Variants in MAMSTR observed in about 807,000 individuals in gnomAD.
MAMSTR encodes the protein MEF2 activating motif and SAP domain containing transcriptional regulator.
In MAMSTR, 41 loss-of-function variants were observed where a neutral mutation model predicts 42.7. That is an observed-to-expected ratio of 0.96 (90% CI 0.75 to 1.25). The LOEUF is 1.25. Among genes scored for constraint, MAMSTR ranks in the 50% most tolerant of loss-of-function variants. The probability of loss-of-function intolerance (pLI) is 0.00; values close to 1 mark genes in which losing one functional copy is unlikely to be tolerated. For missense variants in MAMSTR, 567 were observed against 557.6 expected (o/e 1.02, Z -0.17); for synonymous variants, 265 against 244.1 (o/e 1.09, Z -0.80).
downstream of MAMSTR, among the ~76,000 whole-genome samples, chr19:48,709,202 G>A (rs113393482): frequency 2.6e-5 from 4 of 152,262 alleles, 1 homozygote; most frequent in African/African-American, 7.2e-5. Flanking sequence ...AGACTGGAGT[G>A]CAGCGGCGTG....
chr19:48,719,005 A>G lies in MAMSTR; in HGVS notation c.27T>C (p.Arg9=). The G allele has an allele frequency of 6.4e-7, 1 of 1,551,430 alleles. No homozygotes were observed. The highest frequency in any genetic ancestry group is 8.7e-7 in the Non-Finnish European group (1 of 1,146,884). MTLAASSQ[R]SQIIRSKFRS... is the part of the protein sequence containing the mutation. The stretch of plus-strand genomic sequence containing the variant: ...GGAACTTGGAGCGAATGATTTGGGA[A>G]CGCTGGGAGGAAGCCGCCAGGGTCA... The change falls in exon 2 of 10, where the codon CGT becomes CGC. Residue 9 remains arginine, a synonymous_variant. Transcript: ENST00000318083. The surrounding 1 kb of genome is among the most constrained non-coding windows in gnomAD (Gnocchi z 4.4).
downstream of MAMSTR, among the ~76,000 whole-genome samples, chr19:48,707,863 GAAAGAA>G (rs1274135369): frequency 9.7e-6 from 1 of 103,454 alleles, no homozygotes; most frequent in African/African-American, 4.1e-5. Context: ...AAGAAAGAAA[GAAAGAA>G]AGAAAGAAAG....
At chr19:48,710,274 A>ATTTTTT (rs55986068), downstream of MAMSTR, among the ~76,000 whole-genome samples, 97 of 143,138 alleles carry the variant, frequency 6.8e-4, no homozygotes, top group African/African-American at 2.4e-3. Context: ...CTGGCTAATT[A>ATTTTTT]TTTTTTTTTT....
rs2032780488 is a variant in MAMSTR, at chr19:48,713,094, G to A, written c.*173C>T. 3 of 595,536 alleles carry A rather than the reference G, an allele frequency of 5.0e-6. No individual in the cohort carries two copies. The highest frequency in any genetic ancestry group is 8.3e-6 in the Non-Finnish European group (3 of 362,454). The allele number at this position is 595,536 out of a possible 1,614,324, so 36.9% of individuals were successfully genotyped here. On this transcript the variant is annotated 3_prime_UTR_variant, in exon 10 of 10. Coordinates refer to ENST00000318083, the MANE Select transcript of MAMSTR (RefSeq NM_001130915.2). ...GGGGGATCATAAGGAGGCCAGGTAG[G>A]CAAAGTTAAGGCAGTTGCATGTCAG...
At chr19:48,710,147 G>A (rs1161864577), downstream of MAMSTR, among the ~76,000 whole-genome samples, 1 of 151,614 alleles carries the variant, frequency 6.6e-6, no homozygotes, top group African/African-American at 2.4e-5. Flanking sequence ...GTTTTTTTAA[G>A]ATGGAGTCTC....
chr19:48,708,209 G>A (rs144585395), downstream of MAMSTR, among the ~76,000 whole-genome samples: 606 of 146,558 alleles, frequency 4.1e-3, 16 homozygotes, highest in Admixed American at 0.036. Context: ...ACTCCAGCCT[G>A]GGCAACAAGA....
At chr19:48,706,114 T>C in the MAMSTR span, among the ~76,000 whole-genome samples, 1 of 151,464 alleles carries the variant, frequency 6.6e-6, no homozygotes, top group Non-Finnish European at 1.5e-5. Context: ...AGTGAAACCC[T>C]GTCTCTACTA....
chr19:48,718,085 C>T (rs2033113845), intron 2 of MAMSTR, among the ~76,000 whole-genome samples: 1 of 152,196 alleles, frequency 6.6e-6, no homozygotes, highest in Non-Finnish European at 1.5e-5. Context: ...TCAGGTGATC[C>T]ACCTGCCTTG....
chr19:48,706,286 C>CA, the MAMSTR span, among the ~76,000 whole-genome samples: 3,520 of 129,982 alleles, frequency 0.027, 120 homozygotes, highest in African/African-American at 0.083. Context: ...GACTCCATCT[C>CA]AAAAAAAAAA....
chr19:48,712,236 C>T (rs2032742721), downstream of MAMSTR, among the ~76,000 whole-genome samples: 1 of 151,918 alleles, frequency 6.6e-6, no homozygotes, highest in African/African-American at 2.4e-5. Context: ...ATACAAAGGC[C>T]CAGTTCCATG....
chr19:48,713,605 C>A (rs1332213370), intron 9 of MAMSTR, 55 bp from the exon 10 acceptor site: 1 of 1,593,526 alleles, frequency 6.3e-7, no homozygotes, highest in Non-Finnish European at 8.6e-7. Flanking sequence ...CGGGCGCCAG[C>A]CCCCCATACC....
chr19:48,707,872 A>AAAGAAAGG (rs1568464018), downstream of MAMSTR, among the ~76,000 whole-genome samples: 2 of 112,920 alleles, frequency 1.8e-5, no homozygotes, highest in African/African-American at 3.8e-5. Context: ...AGAAAGAAAG[A>AAAGAAAGG]AAGAAAGAAA....
intron 2 of MAMSTR, among the ~76,000 whole-genome samples, chr19:48,717,422 C>T (rs1445912598): frequency 6.6e-6 from 1 of 151,648 alleles, no homozygotes; most frequent in African/African-American, 2.4e-5. Flanking sequence ...TCAATCCATC[C>T]TCCCACCTAA....
At chr19:48,710,261 C>T (rs997481771), downstream of MAMSTR, among the ~76,000 whole-genome samples, 8 of 141,490 alleles carry the variant, frequency 5.7e-5, no homozygotes, top group African/African-American at 1.9e-4. Flanking sequence ...TGCACCACCA[C>T]ACCTGGCTAA....
At chr19:48,707,887 G>GAAAGAAAGAAAGA (rs1568464082), downstream of MAMSTR, among the ~76,000 whole-genome samples, 2 of 75,282 alleles carry the variant, frequency 2.7e-5, no homozygotes, top group African/African-American at 1.2e-4. Flanking sequence ...AAGAAAGAAA[G>GAAAGAAAGAAAGA]AAAAGAAAGA....
chr19:48,714,379 CG>C lies in MAMSTR; in HGVS notation c.709del (p.Arg237GlyfsTer42). On this transcript the variant is annotated frameshift_variant, in exon 7 of 10. Transcript: ENST00000318083. LOFTEE classifies it high-confidence loss of function. ...RLKPKALAAA[R>X]RQGSVKPSAA... is the part of the protein sequence containing the mutation. The stretch of plus-strand genomic sequence containing the variant: ...CCCCGCCCTCACCGAGCCCTGACGC[CG>C]GGCGGCTGCCAGGGCCTTGGGCTTG... The C allele has an allele frequency of 7.3e-7, 1 of 1,364,234 alleles. No homozygotes were observed. The highest frequency in any genetic ancestry group is 9.4e-7 in the Non-Finnish European group (1 of 1,065,674). The allele number at this position is 1,364,234 out of a possible 1,614,324, so 84.5% of individuals were successfully genotyped here.
downstream of MAMSTR, among the ~76,000 whole-genome samples, chr19:48,711,739 G>GTTT (rs34890088): frequency 0.022 from 1,676 of 76,096 alleles, 35 homozygotes; most frequent in East Asian, 0.027. Flanking sequence ...TACCTGGCTA[G>GTTT]TTTTTTTTTT....
At chr19:48,718,742 G>A (rs2033144501) in intron 2 of MAMSTR, among the ~76,000 whole-genome samples, 1 of 152,034 alleles carries the variant, frequency 6.6e-6, no homozygotes, top group East Asian at 1.9e-4. Flanking sequence ...CCCTCTGCAC[G>A]CCTACCCCTG....
chr19:48,714,521 G>A lies in MAMSTR; in HGVS notation c.568C>T (p.Pro190Ser). 1 of 1,455,614 alleles carries A rather than the reference G, an allele frequency of 6.9e-7. No homozygotes were observed. Among genetic ancestry groups the A allele is most frequent in the South Asian group, 1.4e-5 (1 of 69,284 alleles). 90.2% of individuals were successfully genotyped at this position (1,455,614 alleles called of 1,614,324 possible). A position where few individuals can be genotyped will look rare whatever the true frequency, so the allele number is the denominator to read the frequency against. ...AGCATAGACTTGGTCCCCGACACTGGGAGGCCCCGCAGGCGCAGCTGCTGC... is the reference window on the plus strand; with the variant it reads ...AGCATAGACTTGGTCCCCGACACTGAGAGGCCCCGCAGGCGCAGCTGCTGC... ...LRQQLRLRGL[P>S]VSGTKSMLLE... Residue 190 changes from proline (P) to serine (S), a missense_variant, in exon 7 of 10, where the codon CCA (proline) becomes TCA (serine). Transcript: ENST00000318083.
Sources: allele counts gnomAD v4.1 joint callset (sites outside exome capture counted in the v4.1 genomes callset), GRCh38; gene constraint gnomAD v4.1.1; non-coding constraint Gnocchi (gnomAD v3.1); transcripts MANE v1.5; gene names NCBI Gene and HGNC (gene_info 2026-07-23, HGNC 2026-07-21).